ZNF184: variants seen among roughly 807,000 people sequenced by gnomAD.
ZNF184 encodes zinc finger protein 184, also known as zinc finger protein 184 (Kruppel-like).
A neutral mutation model predicts 54.4 loss-of-function variants in ZNF184; 16 were observed. That is an observed-to-expected ratio of 0.29 (90% CI 0.20 to 0.45). The LOEUF is 0.45. Ranked by LOEUF, ZNF184 falls within the 20% of genes least tolerant of loss-of-function variation. The pLI, the probability that ZNF184 is intolerant of heterozygous loss-of-function variation, is 1.00. For synonymous variants in ZNF184, 254 were observed against 295.3 expected, an observed-to-expected ratio of 0.86 and a Z score of 1.43; for missense variants, 681 against 888.2, an observed-to-expected ratio of 0.77 and a Z score of 2.97.
At chr6:27,434,550 C>G in the ZNF184 span, among the ~76,000 whole-genome samples, 1 of 152,002 alleles carries the variant, frequency 6.6e-6, no homozygotes, top group Non-Finnish European at 1.5e-5. Context: ...TTTATATATT[C>G]TGAATATTAA....
chr6:27,420,688 A>G, the ZNF184 span, among the ~76,000 whole-genome samples: 3 of 152,356 alleles, frequency 2.0e-5, no homozygotes, highest in South Asian at 6.2e-4. Flanking sequence ...GCTGTCATTC[A>G]TTGCCGGTAG....
chr6:27,457,242 C>T, intron 4 of ZNF184, 41 bp downstream of exon 4: 2 of 1,602,700 alleles, frequency 1.2e-6, no homozygotes, highest in Non-Finnish European at 1.7e-6. Context: ...AACCCTCCTC[C>T]TGCACACCCC....
intron 2 of ZNF184, among the ~76,000 whole-genome samples, chr6:27,468,584 A>G: frequency 6.6e-6 from 1 of 152,214 alleles, no homozygotes; most frequent in Non-Finnish European, 1.5e-5. Flanking sequence ...TTCACTGCAG[A>G]TTTATTCATA....
the ZNF184 span, among the ~76,000 whole-genome samples, chr6:27,409,265 C>T: frequency 2.0e-5 from 3 of 151,986 alleles, no homozygotes; most frequent in African/African-American, 7.2e-5. Flanking sequence ...TTTGGGAGGC[C>T]GAGGCGGGCG....
intron 3 of ZNF184, among the ~76,000 whole-genome samples, chr6:27,461,253 T>A (rs1243537112): frequency 6.6e-6 from 1 of 152,216 alleles, no homozygotes; most frequent in Non-Finnish European, 1.5e-5. Context: ...AAAGTGTATC[T>A]GTATAATCAT....
the ZNF184 span, among the ~76,000 whole-genome samples, chr6:27,431,896 C>T: frequency 6.6e-6 from 1 of 152,182 alleles, no homozygotes; most frequent in Non-Finnish European, 1.5e-5. Context: ...GATGACTCCA[C>T]ACACACTAAA....
rs138885074 is a variant in ZNF184, at chr6:27,467,321, C to T, written c.75+532G>A. 3.2e-3 allele frequency among the ~76,000 whole-genome samples: 488 copies of T among 152,220 alleles called. 14 individuals are homozygous for T. Among genetic ancestry groups the T allele is most frequent in the Admixed American group, 0.029 (447 of 15,284 alleles). On this transcript the variant is annotated intron_variant, in intron 3 of 5. Transcript: ENST00000683788. The stretch of plus-strand genomic sequence containing the variant: ...TAAAGGATCAAGTTTTGGGGCCTGG[C>T]GTGGTGGCTCACACCTGCAATCCCA...
At chr6:27,411,852 T>C in the ZNF184 span, among the ~76,000 whole-genome samples, 2 of 152,234 alleles carry the variant, frequency 1.3e-5, no homozygotes, top group Admixed American at 1.3e-4. Context: ...GAAAGGCCCC[T>C]GTGGAGGCCA....
intron 2 of ZNF184, among the ~76,000 whole-genome samples, chr6:27,471,447 G>A (rs560709239): frequency 4.7e-4 from 71 of 152,334 alleles, no homozygotes; most frequent in African/African-American, 1.5e-3. Context: ...GTACATCACT[G>A]ATAGTTTTTA....
At chr6:27,414,682 C>T in the ZNF184 span, among the ~76,000 whole-genome samples, 1 of 151,948 alleles carries the variant, frequency 6.6e-6, no homozygotes, top group Non-Finnish European at 1.5e-5. Context: ...AATTATGATA[C>T]ATATCCCATT....
rs1309920346 is a variant in ZNF184 at position 27,452,576 on chromosome 6, T to G, written c.983A>C (p.His328Pro). ...ACAAGTGTATGGCTTCTCGCCAGTA[T>G]GAATTCTCTGATGCTGAACAAGATG... ...RTHLVQHQRI[H>P]TGEKPYTCNE... Residue 328 changes from histidine (H) to proline (P), a missense_variant, in exon 6 of 6, where the codon CAT (histidine) becomes CCT (proline). Physicochemically the swap from His to Pro is moderately conservative, Grantham distance 77. Coordinates refer to ENST00000683788, the MANE Select transcript of ZNF184 (RefSeq NM_001318891.2). This position sits in a 1 kb window ranked among gnomAD's most constrained non-coding sequence, Gnocchi z 5.5. The G allele has an allele frequency of 6.2e-7, 1 of 1,614,106 alleles. No individual in the cohort carries two copies. Among genetic ancestry groups the G allele is most frequent in the Admixed American group, 1.7e-5 (1 of 60,010 alleles).
chr6:27,455,771 G>C lies in ZNF184; in HGVS notation c.298+1055C>G, dbSNP rs554975028. 1.5e-4 allele frequency among the ~76,000 whole-genome samples: 23 copies of C among 152,140 alleles called. 1 individual carries two copies. In the Middle Eastern group the frequency reaches 0.01, roughly 67 times the overall value. ...TAGAAACTTGCTAAAGTTTGAACAT[G>C]GCATACATTTTTCCCCCGTAAAGAA... On this transcript the variant is annotated intron_variant, in intron 5 of 5. Coordinates refer to ENST00000683788, the MANE Select transcript of ZNF184 (RefSeq NM_001318891.2).
chr6:27,446,582 C>G (rs1762639462), downstream of ZNF184, among the ~76,000 whole-genome samples: 1 of 152,142 alleles, frequency 6.6e-6, no homozygotes, highest in Admixed American at 6.5e-5. Context: ...ACGACAATGA[C>G]AAGTGGAAAT....
At chr6:27,440,918 C>G in the ZNF184 span, among the ~76,000 whole-genome samples, 2 of 151,860 alleles carry the variant, frequency 1.3e-5, no homozygotes, top group Non-Finnish European at 2.9e-5. Context: ...GGCAGAAGAA[C>G]GGCATGAACC....
In ZNF184 at chr6:27,467,100, C is replaced by T. The variant is rs150253190; in HGVS notation, c.75+753G>A. 5.9e-5 allele frequency among the ~76,000 whole-genome samples: 9 copies of T among 152,270 alleles called. No homozygotes were observed. In the East Asian group the frequency reaches 1.7e-3, roughly 29 times the overall value. On this transcript the variant is annotated intron_variant, in intron 3 of 5. Coordinates refer to ENST00000683788, the MANE Select transcript of ZNF184 (RefSeq NM_001318891.2). ...TCTCTATACCTAGAATCCATACCTC[C>T]AGCCCCACCACCTTACTTGTTCAAA...
At chr6:27,405,543 A>G in the ZNF184 span, 12 of 152,386 alleles carry the variant, frequency 7.9e-5, no homozygotes, top group South Asian at 1.7e-3. Flanking sequence ...CCATGGCCTT[A>G]TCTTGCATTA....
At chr6:27,440,994 G>C in the ZNF184 span, among the ~76,000 whole-genome samples, 1 of 151,966 alleles carries the variant, frequency 6.6e-6, no homozygotes, top group Admixed American at 6.6e-5. Context: ...GACAGAGCAA[G>C]ACTCTGTCTC....
At chr6:27,470,738 TG>T in intron 2 of ZNF184, among the ~76,000 whole-genome samples, 1 of 152,136 alleles carries the variant, frequency 6.6e-6, no homozygotes, top group Non-Finnish European at 1.5e-5. Flanking sequence ...ACTGTGTGCT[TG>T]GCACATAGTA....
At position 27,458,116 on chromosome 6, in the gene ZNF184, C is replaced by T. The variant is rs148876715; in HGVS notation, c.76-707G>A. ...ATTCCTGCCAACCTAAAGATGAAATCGTAAAGAAAAAGTCAAAATAAAATA... is the reference window on the plus strand; with the variant it reads ...ATTCCTGCCAACCTAAAGATGAAATTGTAAAGAAAAAGTCAAAATAAAATA... On this transcript the variant is annotated intron_variant, in intron 3 of 5. Coordinates refer to ENST00000683788, the MANE Select transcript of ZNF184 (RefSeq NM_001318891.2). Among the ~76,000 whole-genome samples the T allele has an allele frequency of 4.7e-4, 71 of 150,650 alleles. 1 individual carries two copies. Among genetic ancestry groups the T allele is most frequent in the African/African-American group, 1.6e-3 (64 of 41,076 alleles).
Sources: gnomAD v4.1 joint callset for allele counts (sites outside exome capture counted in the v4.1 genomes callset) on GRCh38, gnomAD v4.1.1 for gene constraint, Gnocchi (gnomAD v3.1) non-coding constraint, MANE v1.5 for transcripts, NCBI Gene and HGNC (gene_info 2026-07-23, HGNC 2026-07-21) for gene names.